Variants in DMGDH observed in about 807,000 individuals in gnomAD.
DMGDH encodes the protein dimethylglycine dehydrogenase.
In DMGDH, 76 loss-of-function variants were observed where a neutral mutation model predicts 95.2. The observed-to-expected ratio is 0.80, with a 90% CI of 0.66 to 0.97. The LOEUF (loss-of-function observed/expected upper bound fraction) is 0.97. DMGDH is among the 50% of genes least tolerant of loss of function. DMGDH has a pLI of 0.00. For synonymous variants in DMGDH, 345 were observed against 377.6 expected, an observed-to-expected ratio of 0.91 and a Z score of 1.00; for missense variants, 987 against 1,055.0, an observed-to-expected ratio of 0.94 and a Z score of 0.89.
At chr5:79,054,413 GC>G in intron 3 of DMGDH, 65 bp from the exon 4 acceptor site, 1 of 1,496,594 alleles carries the variant, frequency 6.7e-7, no homozygotes. Flanking sequence ...ACATGGTTCT[GC>G]TCCAGTATAA....
At chr5:79,060,671 A>G (rs1755175380) in intron 2 of DMGDH, among the ~76,000 whole-genome samples, 1 of 152,176 alleles carries the variant, frequency 6.6e-6, no homozygotes, top group East Asian at 1.9e-4. Flanking sequence ...CTGTAATCCC[A>G]GCACTTTGGG....
rs372896429 is a variant in DMGDH at position 79,023,097 on chromosome 5, C to T, written c.2250+1174G>A. ...AGGTTCGTTTTCCTAAAATCTCATA[C>T]TATAAATACACATGTTTTATTTTAA... On this transcript the variant is annotated intron_variant, in intron 14 of 15. Transcript: ENST00000255189. Among the ~76,000 whole-genome samples, 6 of 152,146 alleles carry T rather than the reference C, an allele frequency of 3.9e-5. No homozygotes were observed. In the East Asian group the frequency reaches 7.7e-4, roughly 20 times the overall value.
chr5:79,052,871 C>A (rs1320191092), intron 4 of DMGDH, among the ~76,000 whole-genome samples: 2 of 152,152 alleles, frequency 1.3e-5, no homozygotes, highest in Non-Finnish European at 2.9e-5. Flanking sequence ...CTCGCAAAGG[C>A]AAACAACCCT....
intron 14 of DMGDH, among the ~76,000 whole-genome samples, chr5:79,017,327 A>C (rs1753752797): frequency 6.6e-6 from 1 of 152,224 alleles, no homozygotes; most frequent in Non-Finnish European, 1.5e-5. Context: ...CTCAATTAAA[A>C]AAAACAAACC....
chr5:79,029,446 C>T (rs1490436752), intron 11 of DMGDH, among the ~76,000 whole-genome samples: 1 of 152,206 alleles, frequency 6.6e-6, no homozygotes, highest in Middle Eastern at 3.4e-3. Flanking sequence ...AGCTGTGGGC[C>T]AGAAAGCACA....
At chr5:79,047,678 A>G (rs1343759080) in intron 5 of DMGDH, among the ~76,000 whole-genome samples, 1 of 152,168 alleles carries the variant, frequency 6.6e-6, no homozygotes, top group East Asian at 1.9e-4. Flanking sequence ...GGCAAGTTAG[A>G]CTACTGCCCA....
At chr5:79,022,303 G>A (rs1379434175) in intron 14 of DMGDH, among the ~76,000 whole-genome samples, 1 of 152,076 alleles carries the variant, frequency 6.6e-6, no homozygotes, top group Non-Finnish European at 1.5e-5. Context: ...TGGTTTTTAG[G>A]CACAGGACTT....
intron 14 of DMGDH, 113 bp from the exon 15 acceptor site, chr5:79,005,520 T>C: frequency 7.1e-7 from 1 of 1,408,040 alleles, no homozygotes. Flanking sequence ...ACACATTAAA[T>C]AAAAATACAG....
chr5:79,011,575 T>A (rs141394038), intron 14 of DMGDH, among the ~76,000 whole-genome samples: 4 of 152,150 alleles, frequency 2.6e-5, no homozygotes, highest in African/African-American at 9.7e-5. Context: ...GGGTAATATA[T>A]AAAGAAAAGA....
chr5:79,034,894 A>G (rs1301200375), intron 7 of DMGDH, among the ~76,000 whole-genome samples: 19 of 151,558 alleles, frequency 1.3e-4, no homozygotes, highest in African/African-American at 3.9e-4. Context: ...CGTTTCTACT[A>G]AAAATACAAA....
chr5:79,020,325 A>G (rs1446464237), intron 14 of DMGDH, among the ~76,000 whole-genome samples: 2 of 152,248 alleles, frequency 1.3e-5, no homozygotes, highest in East Asian at 1.9e-4. Context: ...AGGGCTAAGT[A>G]TCACTGAAAA....
chr5:79,059,866 T>C (rs139611830), intron 2 of DMGDH, among the ~76,000 whole-genome samples: 21 of 152,364 alleles, frequency 1.4e-4, no homozygotes, highest in Non-Finnish European at 2.2e-4. Context: ...TGCTAGTAGA[T>C]AACCAGGAAA....
intron 14 of DMGDH, among the ~76,000 whole-genome samples, chr5:79,019,008 T>C (rs1218650674): frequency 6.6e-6 from 1 of 151,908 alleles, no homozygotes; most frequent in African/African-American, 2.4e-5. Context: ...GCAATGAAAA[T>C]GGGTAACAGA....
Position 79,024,136 on chromosome 5 carries a change from A to G in DMGDH, c.2250+135T>C, listed in dbSNP as rs77754711. The G allele has an allele frequency of 2.6e-3, 2,000 of 777,760 alleles. 31 individuals carry two copies. The African/African-American group carries it at 0.027, about 11-fold the overall frequency. The allele number at this position is 777,760 out of a possible 1,614,324, so 48.2% of individuals were successfully genotyped here. On this transcript the variant is annotated intron_variant, in intron 14 of 15. Coordinates refer to ENST00000255189, the MANE Select transcript of DMGDH (RefSeq NM_013391.3). ...ACAAAAGAGTAATATGACACAATTG[A>G]GCAATGCTAGTATTTATGTTCACCT...
At chr5:79,059,248 C>A (rs760588601) in intron 2 of DMGDH, among the ~76,000 whole-genome samples, 15 of 152,294 alleles carry the variant, frequency 9.8e-5, no homozygotes, top group Non-Finnish European at 2.1e-4. Flanking sequence ...GCTACCTTAA[C>A]GTTTGTAATA....
rs1753527653 is a variant in DMGDH, at chr5:79,005,393, T to C, written c.2265A>G (p.Ile755Met). ...TAATCTGTTTCAGTGCTTGCTTTCC[T>C]ATGAAGTCTGCTGGCTGCAGGAATC... ...FVKLNKPADF[I>M]GKQALKQIKA... is the part of the protein sequence containing the mutation. Residue 755 changes from isoleucine to methionine, a missense_variant, in exon 15 of 16, where the codon ATA (isoleucine) becomes ATG (methionine). Physicochemically the swap from Ile to Met is conservative, Grantham distance 10. Coordinates refer to ENST00000255189, the MANE Select transcript of DMGDH (RefSeq NM_013391.3). 1 of 1,614,170 alleles carries C rather than the reference T, an allele frequency of 6.2e-7. No homozygotes were observed.
chr5:79,008,773 AAT>A (rs1753592174), intron 14 of DMGDH, among the ~76,000 whole-genome samples: 1 of 152,238 alleles, frequency 6.6e-6, no homozygotes, highest in South Asian at 2.1e-4. Flanking sequence ...TAGAAAAAAA[AAT>A]AGAGTAGTAA....
rs778216512 is a variant in DMGDH at position 79,018,085 on chromosome 5, T to C, written c.2250+6186A>G. 3.3e-5 allele frequency among the ~76,000 whole-genome samples: 5 copies of C among 152,234 alleles called. No homozygotes were observed. The South Asian group carries it at 6.2e-4, about 19-fold the overall frequency. Reference sequence around the variant, plus strand: ...TTTTTTGAGGCAGAGCCTTGCTCAGTTGCCCTGGCTGGAGTGCAGTGGCAC... The same window carrying C: ...TTTTTTGAGGCAGAGCCTTGCTCAGCTGCCCTGGCTGGAGTGCAGTGGCAC... On this transcript the variant is annotated intron_variant, in intron 14 of 15. Transcript: ENST00000255189.
At chr5:79,021,881 T>C (rs1019156586) in intron 14 of DMGDH, among the ~76,000 whole-genome samples, 6 of 152,050 alleles carry the variant, frequency 3.9e-5, no homozygotes, top group Admixed American at 1.3e-4. Context: ...GGTCAGAGGG[T>C]GGCGTTCGAC....
Sources: allele counts gnomAD v4.1 joint callset (sites outside exome capture counted in the v4.1 genomes callset), GRCh38; gene constraint gnomAD v4.1.1; transcripts MANE v1.5; gene names NCBI Gene and HGNC (gene_info 2026-07-23, HGNC 2026-07-21).